AIDA: variants seen among roughly 807,000 people sequenced by gnomAD.
The protein encoded by AIDA is axin interactor, dorsalization associated.
A neutral mutation model predicts 42.7 loss-of-function variants in AIDA; 18 were observed. The observed-to-expected ratio is 0.42, with a 90% CI of 0.29 to 0.63. The LOEUF is 0.63. AIDA is among the 20% of genes least tolerant of loss of function. The pLI, the probability that AIDA is intolerant of heterozygous loss-of-function variation, is 0.19. For missense variants in AIDA, 250 were observed against 354.1 expected, an observed-to-expected ratio of 0.71 and a Z score of 2.36; for synonymous variants, 104 against 122.9, an observed-to-expected ratio of 0.85 and a Z score of 1.02.
chr1:222,681,044 A>G (rs939774320), intron 6 of AIDA, among the ~76,000 whole-genome samples: 2 of 152,176 alleles, frequency 1.3e-5, no homozygotes, highest in African/African-American at 4.8e-5. Context: ...TTCTCTATTG[A>G]GTCTAAAAAT....
rs1664375105 is a variant in AIDA, at chr1:222,668,200, T to A, written c.*1693A>T. ...TTAATGGGTTTTTTTTTTAAGGGAT[T>A]TTTTTTCAGGTCTTGTCAGCAACAT... On this transcript the variant is annotated 3_prime_UTR_variant, in exon 10 of 10. Coordinates refer to ENST00000340020, the MANE Select transcript of AIDA (RefSeq NM_022831.4). 1 of 151,386 alleles carries A rather than the reference T, an allele frequency of 6.6e-6. No individual in the cohort carries two copies. Among genetic ancestry groups the A allele is most frequent in the Non-Finnish European group, 1.5e-5 (1 of 67,866 alleles). 9.4% of individuals were successfully genotyped at this position (151,386 alleles called of 1,614,324 possible).
At chr1:222,679,516 G>A (rs375325699) in intron 6 of AIDA, among the ~76,000 whole-genome samples, 8 of 152,164 alleles carry the variant, frequency 5.3e-5, no homozygotes, top group African/African-American at 1.9e-4. Flanking sequence ...ACATGTCAGG[G>A]TGTGCCAGGC....
Position 222,676,223 on chromosome 1 carries a change from C to A in AIDA, c.461-5G>T. 6.2e-7 allele frequency: 1 copy of A among 1,604,154 alleles called. No homozygotes were observed. Among genetic ancestry groups the A allele is most frequent in the Non-Finnish European group, 8.5e-7 (1 of 1,176,900 alleles). ...GCAACCTTGGTAATAAAGTACCTGGCAACAGAGAAAAAGCAATAAAAGCTC... is the reference window on the plus strand; with the variant it reads ...GCAACCTTGGTAATAAAGTACCTGGAAACAGAGAAAAAGCAATAAAAGCTC... On this transcript the variant is annotated splice_region_variant and splice_polypyrimidine_tract_variant and intron_variant, in intron 6 of 9. Coordinates refer to ENST00000340020, the MANE Select transcript of AIDA (RefSeq NM_022831.4).
intron 8 of AIDA, 28 bp from the exon 9 acceptor site, chr1:222,670,278 C>T (rs1558205357): frequency 6.5e-7 from 1 of 1,546,024 alleles, no homozygotes; most frequent in Admixed American, 1.7e-5. Context: ...GCCACATAAA[C>T]CACAGATAGC....
At chr1:222,689,481 G>GTGTATA (rs1253190601) in intron 4 of AIDA, among the ~76,000 whole-genome samples, 29 of 35,352 alleles carry the variant, frequency 8.2e-4, no homozygotes, top group East Asian at 5.4e-3. Context: ...GTGTGTGTGT[G>GTGTATA]TATATATATA....
chr1:222,709,344 T>C (rs1282189387), intron 1 of AIDA, among the ~76,000 whole-genome samples: 4 of 151,998 alleles, frequency 2.6e-5, no homozygotes, highest in African/African-American at 4.8e-5. Context: ...GGCAGGAGAA[T>C]TGCTTGAACC....
At chr1:222,705,589 A>G (rs551358953) in intron 1 of AIDA, among the ~76,000 whole-genome samples, 98 of 152,354 alleles carry the variant, frequency 6.4e-4, no homozygotes, top group Non-Finnish European at 1.3e-3. Context: ...AATCTTGCAT[A>G]AAAGTTATGC....
At chr1:222,691,163 C>T (rs948747720) in intron 4 of AIDA, among the ~76,000 whole-genome samples, 11 of 152,256 alleles carry the variant, frequency 7.2e-5, no homozygotes, top group African/African-American at 2.4e-4. Flanking sequence ...ATGAGAGGAA[C>T]CATATGCAGG....
At chr1:222,685,570 T>A (rs1655134508) in intron 6 of AIDA, among the ~76,000 whole-genome samples, 1 of 152,204 alleles carries the variant, frequency 6.6e-6, no homozygotes, top group African/African-American at 2.4e-5. Context: ...CTAAAATGCA[T>A]CACAATATTA....
chr1:222,669,513 A>G lies in AIDA; in HGVS notation c.*380T>C, dbSNP rs1375792638. The stretch of plus-strand genomic sequence containing the variant: ...AGAGCATATTGGAGCAAAAGTGAAC[A>G]GATGTGTAAACTCTAGCACATTCTT... On this transcript the variant is annotated 3_prime_UTR_variant, in exon 10 of 10. Coordinates refer to ENST00000340020, the MANE Select transcript of AIDA (RefSeq NM_022831.4). The G allele has an allele frequency of 1.6e-5, 3 of 192,170 alleles. No individual in the cohort carries two copies. The highest frequency in any genetic ancestry group is 3.3e-5 in the Non-Finnish European group (3 of 91,816). The allele number at this position is 192,170 out of a possible 1,614,324, so 11.9% of individuals were successfully genotyped here.
chr1:222,697,252 T>G (rs765911311), intron 2 of AIDA, among the ~76,000 whole-genome samples: 5 of 151,622 alleles, frequency 3.3e-5, no homozygotes, highest in Admixed American at 6.6e-5. Context: ...TGCAACAGTT[T>G]TTAATACAGA....
chr1:222,671,589 G>T (rs1182286752), intron 8 of AIDA, among the ~76,000 whole-genome samples: 1 of 152,156 alleles, frequency 6.6e-6, no homozygotes, highest in Non-Finnish European at 1.5e-5. Flanking sequence ...ACATCACATG[G>T]CAAGGGAGGA....
intron 4 of AIDA, among the ~76,000 whole-genome samples, chr1:222,690,037 A>T (rs902920160): frequency 6.6e-6 from 1 of 152,308 alleles, no homozygotes; most frequent in East Asian, 1.9e-4. Context: ...TACAGTATTC[A>T]GTACAGTAAC....
Position 222,669,992 on chromosome 1 carries a change from G to A in AIDA, c.825-3C>T. The A allele has an allele frequency of 6.2e-7, 1 of 1,614,092 alleles. No homozygotes were observed. Among genetic ancestry groups the A allele is most frequent in the African/African-American group, 1.3e-5 (1 of 75,042 alleles). On this transcript the variant is annotated splice_polypyrimidine_tract_variant and splice_region_variant and intron_variant, in intron 9 of 9. Coordinates refer to ENST00000340020, the MANE Select transcript of AIDA (RefSeq NM_022831.4). ...TAAAGTCAGTGGGTTTCTTGTATCT[G>A]TAATCACAACAGAAAGACCATTGTT...
At chr1:222,709,870 T>C (rs371575146) in intron 1 of AIDA, among the ~76,000 whole-genome samples, 2 of 152,226 alleles carry the variant, frequency 1.3e-5, no homozygotes, top group Non-Finnish European at 2.9e-5. Context: ...CCCTTAGTTG[T>C]TGAGTCATGA....
chr1:222,700,573 C>A (rs1439504304), intron 2 of AIDA, among the ~76,000 whole-genome samples: 1 of 151,770 alleles, frequency 6.6e-6, no homozygotes, highest in Non-Finnish European at 1.5e-5. Flanking sequence ...CTGGCTAACA[C>A]GTGAAACCCT....
At chr1:222,683,858 T>C (rs534567404) in intron 6 of AIDA, among the ~76,000 whole-genome samples, 1 of 152,206 alleles carries the variant, frequency 6.6e-6, no homozygotes, top group Non-Finnish European at 1.5e-5. Flanking sequence ...TTAAAAAATT[T>C]AAATATTTTG....
chr1:222,673,547 C>T lies in AIDA; in HGVS notation c.584-112G>A, dbSNP rs867556454. 1.1e-5 allele frequency: 8 copies of T among 711,136 alleles called. No homozygotes were observed. The Middle Eastern group carries it at 1.1e-3, about 98-fold the overall frequency. 44.1% of individuals were successfully genotyped at this position (711,136 alleles called of 1,614,324 possible). A position where few individuals can be genotyped will look rare whatever the true frequency, so the allele number is the denominator to read the frequency against. On this transcript the variant is annotated intron_variant, in intron 7 of 9. Transcript: ENST00000340020. ...ATCCTAGCACTTTGGGAGGCCGAGG[C>T]GGGCAGATGACAAGGTCAGGAGATC...
intron 2 of AIDA, among the ~76,000 whole-genome samples, chr1:222,695,445 T>C (rs1276420722): frequency 1.3e-5 from 2 of 152,020 alleles, no homozygotes; most frequent in Non-Finnish European, 2.9e-5. Flanking sequence ...TGAGCTGAAA[T>C]CATGCCACTG....
Sources: gnomAD v4.1 joint callset for allele counts (sites outside exome capture counted in the v4.1 genomes callset) on GRCh38, gnomAD v4.1.1 for gene constraint, MANE v1.5 for transcripts, NCBI Gene and HGNC (gene_info 2026-07-23, HGNC 2026-07-21) for gene names.